Variants in ABCG5 observed in about 807,000 individuals in gnomAD.
ABCG5 encodes the protein ATP-binding cassette sub-family G member 5.
In ABCG5, 64 loss-of-function variants were observed where a neutral mutation model predicts 64.5. The observed-to-expected ratio is 0.99, with a 90% CI of 0.81 to 1.22. ABCG5 has a LOEUF of 1.22. ABCG5 is among the 50% of genes most tolerant of loss of function. The pLI is 0.00. For missense variants in ABCG5, 908 were observed against 829.5 expected, an observed-to-expected ratio of 1.09 and a Z score of -1.16; for synonymous variants, 385 against 326.3, an observed-to-expected ratio of 1.18 and a Z score of -1.94.
rs936730901 is a variant in ABCG5 at position 43,824,745 on chromosome 2, C to A, written c.904+144G>T. On this transcript the variant is annotated intron_variant, in intron 7 of 12. Coordinates refer to ENST00000405322, the MANE Select transcript of ABCG5 (RefSeq NM_022436.3). ...GTCATCTCTGGCAAGTTCATTGACC[C>A]GGCCAAATTGATTCCTTGAAGAGTA... is the stretch of plus-strand genomic sequence containing the variant. 3 of 1,445,100 alleles carry A rather than the reference C, an allele frequency of 2.1e-6. No individual in the cohort carries two copies. In the African/African-American group the frequency reaches 4.3e-5, roughly 21 times the overall value. 89.5% of individuals were successfully genotyped at this position (1,445,100 alleles called of 1,614,324 possible).
chr2:43,827,857 ACCTGTGATTTCAGTTGTACACAAACC>A (rs1667714665), intron 5 of ABCG5, 100 bp downstream of exon 5: 1 of 1,456,598 alleles, frequency 6.9e-7, no homozygotes, highest in African/African-American at 1.4e-5. Context: ...AGTTTGAAAA[ACCTGTGATTTCAGTTGTACACAAACC>A]CCTTTCCAAA....
At position 43,833,530 on chromosome 2, in the gene ABCG5, C is replaced by T. The variant is rs1008120120; in HGVS notation, c.266-1447G>A. Among the ~76,000 whole-genome samples the T allele has an allele frequency of 2.2e-4, 34 of 151,340 alleles. 1 individual carries two copies. Among genetic ancestry groups the T allele is most frequent in the African/African-American group, 6.1e-4 (25 of 41,166 alleles). Reference sequence around the variant, plus strand: ...CCTGAGTAGCTGGGACTGCAGGCGCCGGCCACCATGCCCAACTAATTTTTT... The same window carrying T: ...CCTGAGTAGCTGGGACTGCAGGCGCTGGCCACCATGCCCAACTAATTTTTT... On this transcript the variant is annotated intron_variant, in intron 2 of 12. Coordinates refer to ENST00000405322, the MANE Select transcript of ABCG5 (RefSeq NM_022436.3).
Position 43,828,056 on chromosome 2 carries a change from G to A in ABCG5, c.561C>T (p.Asn187=), listed in dbSNP as rs200727789. The A allele has an allele frequency of 6.2e-7, 1 of 1,614,156 alleles. No individual in the cohort carries two copies. Among genetic ancestry groups the A allele is most frequent in the Non-Finnish European group, 8.5e-7 (1 of 1,180,042 alleles). Reference sequence around the variant, plus strand: ...CCGTGGAAATGCCCCCCAAGCTGTAGTTGCCAATCAGTCGGTCTGCCACAT... The same window carrying A: ...CCGTGGAAATGCCCCCCAAGCTGTAATTGCCAATCAGTCGGTCTGCCACAT... ...LSHVADRLIG[N]YSLGGISTGE... is the part of the protein sequence containing the mutation. Residue 187 remains asparagine, a synonymous_variant, in exon 5 of 13, where the codon AAC becomes AAT. Transcript: ENST00000405322.
intron 4 of ABCG5, among the ~76,000 whole-genome samples, chr2:43,831,403 A>C (rs1196272688): frequency 2.0e-5 from 3 of 151,994 alleles, no homozygotes; most frequent in Admixed American, 6.6e-5. Context: ...AAACTTCTAG[A>C]CTCAAGCAAT....
rs1448684248 is a variant in ABCG5 at position 43,838,701 on chromosome 2, G to A, written c.-22C>T. The A allele has an allele frequency of 6.2e-7, 1 of 1,612,784 alleles. No homozygotes were observed. Among genetic ancestry groups the A allele is most frequent in the Middle Eastern group, 1.7e-4 (1 of 6,060 alleles). Reference sequence around the variant, plus strand: ...CCATGGCCAACAGGCAGCAAAGCTGGGCAAATTTTCTGGTGGCCGGACCCT... The same window carrying A: ...CCATGGCCAACAGGCAGCAAAGCTGAGCAAATTTTCTGGTGGCCGGACCCT... On this transcript the variant is annotated 5_prime_UTR_variant, in exon 1 of 13. Coordinates refer to ENST00000405322, the MANE Select transcript of ABCG5 (RefSeq NM_022436.3). The surrounding 1 kb of genome is among the most constrained non-coding windows in gnomAD (Gnocchi z 4.2).
At chr2:43,810,362 A>C, downstream of ABCG5, 1 of 985,318 alleles carries the variant, frequency 1.0e-6, no homozygotes, top group Non-Finnish European at 1.2e-6. Flanking sequence ...TATTTTAAAT[A>C]CCACTTTTTG....
chr2:43,831,209 G>A (rs977767554), intron 4 of ABCG5, among the ~76,000 whole-genome samples: 1 of 151,786 alleles, frequency 6.6e-6, no homozygotes, highest in African/African-American at 2.4e-5. Context: ...GTCTCTTTTT[G>A]TCCTTCAGGC....
downstream of ABCG5, among the ~76,000 whole-genome samples, chr2:43,810,793 A>G (rs1469220355): frequency 2.0e-5 from 3 of 152,212 alleles, no homozygotes; most frequent in South Asian, 2.1e-4. Flanking sequence ...GCTGAGTGCT[A>G]TGGAAAAAGA....
chr2:43,836,267 G>A (rs889092638), intron 2 of ABCG5, among the ~76,000 whole-genome samples: 1 of 152,220 alleles, frequency 6.6e-6, no homozygotes, highest in Non-Finnish European at 1.5e-5. Flanking sequence ...CAACACTACT[G>A]TTGGCATCTG....
chr2:43,838,509 A>G lies in ABCG5; in HGVS notation c.143+28T>C. ...GCGCCGGGCCCCGCACTCCTGGGGG[A>G]GCAGCAGCAGCAAGGGCTCTGCCTT... On this transcript the variant is annotated intron_variant, in intron 1 of 12. Transcript: ENST00000405322. The surrounding 1 kb of genome is among the most constrained non-coding windows in gnomAD (Gnocchi z 4.2). 1 of 1,571,166 alleles carries G rather than the reference A, an allele frequency of 6.4e-7. No homozygotes were observed.
chr2:43,816,771 A>T (rs914327123), intron 11 of ABCG5, among the ~76,000 whole-genome samples: 2 of 152,254 alleles, frequency 1.3e-5, no homozygotes, highest in African/African-American at 4.8e-5. Flanking sequence ...ATACAACAGG[A>T]TGATTTCATC....
chr2:43,828,083 G>A lies in ABCG5; in HGVS notation c.534C>T (p.Ser178=). The A allele has an allele frequency of 6.2e-7, 1 of 1,614,048 alleles. No individual in the cohort carries two copies. The highest frequency in any genetic ancestry group is 1.1e-5 in the South Asian group (1 of 91,080). ...TGCCAATCAGTCGGTCTGCCACATGGCTCAGACTCAGCTCTGCCATGACGG... is the reference window on the plus strand; with the variant it reads ...TGCCAATCAGTCGGTCTGCCACATGACTCAGACTCAGCTCTGCCATGACGG... The part of the protein sequence containing the change: ...VEAVMAELSL[S]HVADRLIGNY... The change falls in exon 5 of 13, where the codon AGC becomes AGT. Residue 178 remains serine (S), a synonymous_variant. Coordinates refer to ENST00000405322, the MANE Select transcript of ABCG5 (RefSeq NM_022436.3).
chr2:43,831,966 C>A lies in ABCG5; in HGVS notation c.383G>T (p.Cys128Phe), dbSNP rs1461341406. Residue 128 changes from cysteine to phenylalanine, a missense_variant, in exon 3 of 13, where the codon TGC becomes TTC. Transcript: ENST00000405322. ...RALRREQFQDCFSYVLQSDTL... is the reference protein window; with the variant it reads ...RALRREQFQDFFSYVLQSDTL... Reference sequence around the variant, plus strand: ...GCCCACCTGCAGGACGTAGGAGAAGCAGTCCTGGAACTGCTCCCGGCGCAG... The same window carrying A: ...GCCCACCTGCAGGACGTAGGAGAAGAAGTCCTGGAACTGCTCCCGGCGCAG... The A allele has an allele frequency of 6.4e-7, 1 of 1,550,928 alleles. No individual in the cohort carries two copies. The highest frequency in any genetic ancestry group is 8.7e-7 in the Non-Finnish European group (1 of 1,147,250).
At chr2:43,837,446 C>G (rs1194862828) in intron 2 of ABCG5, among the ~76,000 whole-genome samples, 5 of 152,026 alleles carry the variant, frequency 3.3e-5, no homozygotes, top group Non-Finnish European at 5.9e-5. Flanking sequence ...ATTGTATGTC[C>G]AAAATATACC....
chr2:43,814,148 C>T (rs1368029928), intron 12 of ABCG5, among the ~76,000 whole-genome samples: 1 of 152,066 alleles, frequency 6.6e-6, no homozygotes, highest in Non-Finnish European at 1.5e-5. Flanking sequence ...AACAAGAAGC[C>T]ACTTCAGCCT....
At chr2:43,830,566 A>C (rs766441176) in intron 4 of ABCG5, among the ~76,000 whole-genome samples, 2 of 152,226 alleles carry the variant, frequency 1.3e-5, no homozygotes, top group Admixed American at 6.5e-5. Flanking sequence ...CTGCCATGCT[A>C]TCTCCTTTAT....
chr2:43,837,118 GT>G (rs1668323363), intron 2 of ABCG5, among the ~76,000 whole-genome samples: 1 of 137,128 alleles, frequency 7.3e-6, no homozygotes, highest in Non-Finnish European at 1.5e-5. Flanking sequence ...TTATTCTCCA[GT>G]CTTTTTTTTT....
Position 43,837,940 on chromosome 2 carries a change from G to C in ABCG5, c.159C>G (p.Pro53=). The C allele has an allele frequency of 1.2e-6, 2 of 1,614,066 alleles. No individual in the cohort carries two copies. The highest frequency in any genetic ancestry group is 1.7e-6 in the Non-Finnish European group (2 of 1,179,976). Residue 53 remains proline, a synonymous_variant, in exon 2 of 13, where the codon CCC becomes CCG. Coordinates refer to ENST00000405322, the MANE Select transcript of ABCG5 (RefSeq NM_022436.3). Reference sequence around the variant, plus strand: ...GCCGGCAAGATGTGATGTCCCACCAGGGCCTCACGCGGTGGCTTTAAAGGA... The same window carrying C: ...GCCGGCAAGATGTGATGTCCCACCACGGCCTCACGCGGTGGCTTTAAAGGA... ...ASYSVSHRVR[P]WWDITSCRQQ... is the part of the protein sequence containing the mutation.
downstream of ABCG5, among the ~76,000 whole-genome samples, chr2:43,807,813 A>AC (rs1192415439): frequency 6.6e-6 from 1 of 150,686 alleles, no homozygotes; most frequent in Non-Finnish European, 1.5e-5. Flanking sequence ...TTCTTGGCCA[A>AC]CCACAGTTAT....
Sources: gnomAD v4.1 joint callset for allele counts (sites outside exome capture counted in the v4.1 genomes callset) on GRCh38, gnomAD v4.1.1 for gene constraint, Gnocchi (gnomAD v3.1) non-coding constraint, MANE v1.5 for transcripts, NCBI Gene and HGNC (gene_info 2026-07-23, HGNC 2026-07-21) for gene names.